The following CEP63 variants were observed in gnomAD, a reference collection of about 807,000 sequenced individuals.
CEP63 encodes the protein centrosomal protein 63, also known as centrosomal protein of 63 kDa.
Under a neutral mutation model 89.1 loss-of-function variants are expected in CEP63, and 84 were observed. The ratio of observed to expected loss-of-function variants is 0.94; its 90% CI spans 0.79 to 1.13. CEP63 has a LOEUF of 1.13. Ranked by LOEUF, CEP63 falls within the 50% of genes most tolerant of loss-of-function variation. The pLI is 0.00. For missense variants in CEP63, 838 were observed against 813.3 expected (o/e 1.03, Z -0.37); for synonymous variants, 267 against 272.5 (o/e 0.98, Z 0.20).
the CEP63 span, chr3:134,610,175 G>T: frequency 6.2e-7 from 1 of 1,604,674 alleles, no homozygotes; most frequent in South Asian, 1.1e-5. Context: ...ACGCCCAGCA[G>T]AACTGAGACA....
chr3:134,623,574 A>T, the CEP63 span, among the ~76,000 whole-genome samples: 1 of 114,270 alleles, frequency 8.8e-6, no homozygotes, highest in Non-Finnish European at 1.8e-5. Context: ...ATGCCCCCCT[A>T]CTCTCCTCAG....
At chr3:134,665,420 C>T in the CEP63 span, among the ~76,000 whole-genome samples, 1 of 152,224 alleles carries the variant, frequency 6.6e-6, no homozygotes, top group Non-Finnish European at 1.5e-5. Flanking sequence ...TTACCCAAGG[C>T]AGGCGGGCCC....
At chr3:134,748,035 C>T in the CEP63 span, among the ~76,000 whole-genome samples, 120 of 152,156 alleles carry the variant, frequency 7.9e-4, no homozygotes, top group Non-Finnish European at 1.3e-3. Context: ...CCTCCCACCT[C>T]GGCCTTCCAA....
the CEP63 span, among the ~76,000 whole-genome samples, chr3:134,760,667 G>A: frequency 1.3e-5 from 2 of 152,196 alleles, no homozygotes; most frequent in Non-Finnish European, 1.5e-5. Context: ...ATGATGCTGG[G>A]ACCAGAGAGG....
the CEP63 span, among the ~76,000 whole-genome samples, chr3:134,686,809 A>C: frequency 6.6e-6 from 1 of 152,186 alleles, no homozygotes; most frequent in Non-Finnish European, 1.5e-5. Context: ...TATCATTGAC[A>C]CCATTTTAGG....
downstream of CEP63, among the ~76,000 whole-genome samples, chr3:134,568,876 C>T (rs1168347751): frequency 6.6e-6 from 1 of 152,160 alleles, no homozygotes; most frequent in Non-Finnish European, 1.5e-5. Flanking sequence ...ATACCTGAGA[C>T]TGGGTGATTT....
chr3:134,679,957 C>T, the CEP63 span, among the ~76,000 whole-genome samples: 3 of 152,192 alleles, frequency 2.0e-5, no homozygotes, highest in Non-Finnish European at 4.4e-5. Context: ...CTCCTGGGCT[C>T]ATGCCAGCCA....
the CEP63 span, among the ~76,000 whole-genome samples, chr3:134,724,453 C>T: frequency 2.0e-4 from 31 of 152,260 alleles, 1 homozygote; most frequent in South Asian, 5.6e-3. Flanking sequence ...AAATGGCTTC[C>T]AAAAATATTC....
the CEP63 span, among the ~76,000 whole-genome samples, chr3:134,670,379 G>A: frequency 1.3e-5 from 2 of 152,168 alleles, no homozygotes; most frequent in African/African-American, 4.8e-5. Context: ...GAAAACACTT[G>A]AGGAAATGCT....
At chr3:134,552,042 C>G in intron 12 of CEP63, 30 bp downstream of exon 12, 1 of 1,177,886 alleles carries the variant, frequency 8.5e-7, no homozygotes, top group African/African-American at 1.5e-5. Context: ...AGTTTTTCTA[C>G]TATCCAAGCC....
chr3:134,645,268 G>A, the CEP63 span, among the ~76,000 whole-genome samples: 1,846 of 152,284 alleles, frequency 0.012, 31 homozygotes, highest in African/African-American at 0.042. Context: ...CTGCTGCTTC[G>A]AAAAGTTTGG....
At chr3:134,677,062 C>T in the CEP63 span, among the ~76,000 whole-genome samples, 1 of 152,130 alleles carries the variant, frequency 6.6e-6, no homozygotes, top group African/African-American at 2.4e-5. Flanking sequence ...GGTGAAACCC[C>T]GTCTCTATTA....
At chr3:134,579,325 AT>A (rs11359982), downstream of CEP63, among the ~76,000 whole-genome samples, 97,595 of 152,060 alleles carry the variant, frequency 0.64, 31,875 homozygotes, top group East Asian at 0.81. Context: ...TTTCCCAGGA[AT>A]TGCTGGGTTT....
chr3:134,677,967 T>C, the CEP63 span, among the ~76,000 whole-genome samples: 68,573 of 151,312 alleles, frequency 0.45, 16,267 homozygotes, highest in East Asian at 0.71. Flanking sequence ...GTCTCCAGTC[T>C]TCTCCCCTCC....
chr3:134,495,312 G>T lies in CEP63; in HGVS notation c.-9G>T, dbSNP rs769627086. 6.2e-7 allele frequency: 1 copy of T among 1,613,400 alleles called. No individual in the cohort carries two copies. Among genetic ancestry groups the T allele is most frequent in the African/African-American group, 1.3e-5 (1 of 75,030 alleles). ...CTTTGTCAGTTGCCAAAACAAAGGGGATTTGGTGATGGAGGCTTTGTTAGA... is the reference window on the plus strand; with the variant it reads ...CTTTGTCAGTTGCCAAAACAAAGGGTATTTGGTGATGGAGGCTTTGTTAGA... On this transcript the variant is annotated 5_prime_UTR_variant, in exon 2 of 15. Transcript: ENST00000675561.
the CEP63 span, among the ~76,000 whole-genome samples, chr3:134,644,678 G>A: frequency 9.2e-5 from 14 of 152,336 alleles, no homozygotes; most frequent in Middle Eastern, 3.4e-3. Flanking sequence ...GGTGCATTTA[G>A]ATGATTCTTC....
intron 3 of CEP63, among the ~76,000 whole-genome samples, chr3:134,527,800 G>A (rs539672915): frequency 6.6e-6 from 1 of 152,158 alleles, no homozygotes; most frequent in Non-Finnish European, 1.5e-5. Flanking sequence ...TGGGGCCCTG[G>A]GAGAGGCCAG....
chr3:134,749,820 G>T, the CEP63 span, among the ~76,000 whole-genome samples: 1 of 100,264 alleles, frequency 1.0e-5, no homozygotes, highest in East Asian at 4.5e-4. Context: ...GAGCCCAGAG[G>T]CTAGGAGAGT....
chr3:134,739,172 C>T, the CEP63 span, among the ~76,000 whole-genome samples: 1 of 152,100 alleles, frequency 6.6e-6, no homozygotes, highest in African/African-American at 2.4e-5. Flanking sequence ...CAGGTGTTCA[C>T]ACAAAATGTA....
Sources: allele counts gnomAD v4.1 joint callset (sites outside exome capture counted in the v4.1 genomes callset), GRCh38; gene constraint gnomAD v4.1.1; transcripts MANE v1.5; gene names NCBI Gene and HGNC (gene_info 2026-07-23, HGNC 2026-07-21).